ASB5: variants seen among roughly 807,000 people sequenced by gnomAD.
ASB5 encodes ankyrin repeat and SOCS box containing 5.
A neutral mutation model predicts 42.1 loss-of-function variants in ASB5; 45 were observed. The ratio of observed to expected loss-of-function variants is 1.07; its 90% CI spans 0.84 to 1.37. ASB5 has a LOEUF of 1.37. Ranked by LOEUF, ASB5 falls within the 40% of genes most tolerant of loss-of-function variation. The pLI is 0.00. For synonymous variants in ASB5, 147 were observed against 150.6 expected, an observed-to-expected ratio of 0.98 and a Z score of 0.18; for missense variants, 402 against 399.8, an observed-to-expected ratio of 1.01 and a Z score of -0.05.
chr4:176,248,856 C>T (rs914900641), intron 1 of ASB5, among the ~76,000 whole-genome samples: 11 of 152,122 alleles, frequency 7.2e-5, no homozygotes, highest in African/African-American at 2.7e-4. Context: ...ACTAGTCACT[C>T]GGTCTTGATG....
rs906690076 is a variant in ASB5, at chr4:176,237,377, T to C, written c.197-12036A>G. On this transcript the variant is annotated intron_variant, in intron 1 of 6. Coordinates refer to ENST00000296525, the MANE Select transcript of ASB5 (RefSeq NM_080874.4). ...CACTAGCCTTCTTTTCGTGAGGACCTGCTTAATGCAGTTCATTTCAACAGC... is the reference window on the plus strand; with the variant it reads ...CACTAGCCTTCTTTTCGTGAGGACCCGCTTAATGCAGTTCATTTCAACAGC... The C allele has an allele frequency of 1.6e-5, 16 of 985,778 alleles. No homozygotes were observed. In the African/African-American group the frequency reaches 2.1e-4, roughly 13 times the overall value. 61.1% of individuals were successfully genotyped at this position (985,778 alleles called of 1,614,324 possible).
In ASB5 at chr4:176,254,802, C is replaced by T. The variant is rs188044786; in HGVS notation, c.196+14111G>A. Among the ~76,000 whole-genome samples the T allele has an allele frequency of 2.5e-3, 374 of 152,274 alleles. 6 individuals carry two copies. The highest frequency in any genetic ancestry group is 5.9e-4 in the Non-Finnish European group (40 of 68,018). ...TGACCAACAAATATATGAAAAAATGCTCTACATCACTAATCACTGGAGAAA... is the reference window on the plus strand; with the variant it reads ...TGACCAACAAATATATGAAAAAATGTTCTACATCACTAATCACTGGAGAAA... On this transcript the variant is annotated intron_variant, in intron 1 of 6. Coordinates refer to ENST00000296525, the MANE Select transcript of ASB5 (RefSeq NM_080874.4).
At chr4:176,246,012 G>T (rs777938509) in intron 1 of ASB5, among the ~76,000 whole-genome samples, 7 of 150,802 alleles carry the variant, frequency 4.6e-5, no homozygotes, top group African/African-American at 1.7e-4. Context: ...AAACCTGCAC[G>T]TTGTGCACAT....
intron 1 of ASB5, among the ~76,000 whole-genome samples, chr4:176,252,524 GAA>G (rs1754063662): frequency 6.6e-6 from 1 of 152,202 alleles, no homozygotes; most frequent in East Asian, 1.9e-4. Context: ...AAGATGAAGT[GAA>G]TCTGTCTTCA....
chr4:176,241,462 C>G, intron 1 of ASB5: 1 of 1,534,220 alleles, frequency 6.5e-7, no homozygotes, highest in Non-Finnish European at 8.7e-7. Context: ...TTTCTTTTAC[C>G]TGTTACTGCC....
intron 1 of ASB5, among the ~76,000 whole-genome samples, chr4:176,246,801 C>T (rs577926377): frequency 6.6e-6 from 1 of 152,268 alleles, no homozygotes; most frequent in East Asian, 1.9e-4. Flanking sequence ...AATGAACACT[C>T]CCTACCACCA....
At chr4:176,237,298 A>G (rs1753709815) in intron 1 of ASB5, 1 of 985,878 alleles carries the variant, frequency 1.0e-6, no homozygotes. Context: ...ACTAACCTTG[A>G]CTGGTCAGAA....
At position 176,214,845 on chromosome 4, in the gene ASB5, G is replaced by A. The variant is rs776226151; in HGVS notation, c.*755C>T. 6.6e-5 allele frequency: 10 copies of A among 152,036 alleles called. No homozygotes were observed. Among genetic ancestry groups the A allele is most frequent in the South Asian group, 2.1e-4 (1 of 4,820 alleles). 9.4% of individuals were successfully genotyped at this position (152,036 alleles called of 1,614,324 possible). On this transcript the variant is annotated 3_prime_UTR_variant, in exon 7 of 7. Transcript: ENST00000296525. ...AGGCTGGAGTAATATGCATATAACC[G>A]CCTTGATAAGAGATCATCAGGGGCT...
intron 5 of ASB5, 94 bp from the exon 6 acceptor site, chr4:176,217,103 A>G: frequency 1.0e-6 from 1 of 995,666 alleles, no homozygotes. Context: ...GCAATAGAGG[A>G]AGGTTATTAA....
chr4:176,272,337 A>C (rs1451774688), upstream of ASB5, among the ~76,000 whole-genome samples: 1 of 152,042 alleles, frequency 6.6e-6, no homozygotes, highest in African/African-American at 2.4e-5. Context: ...TTTTTCACCA[A>C]CCTAACAAAA....
At chr4:176,261,692 A>G (rs943224335) in intron 1 of ASB5, among the ~76,000 whole-genome samples, 3 of 152,150 alleles carry the variant, frequency 2.0e-5, no homozygotes, top group African/African-American at 7.2e-5. Context: ...GATGACCTCA[A>G]TCTCTTCCCT....
intron 1 of ASB5, among the ~76,000 whole-genome samples, chr4:176,239,359 A>C (rs1333084678): frequency 6.6e-6 from 1 of 152,230 alleles, no homozygotes. Flanking sequence ...CAAAAGCTTT[A>C]TGCTTTTGAA....
At chr4:176,232,127 A>AT (rs1561257128) in intron 1 of ASB5, among the ~76,000 whole-genome samples, 191 of 125,060 alleles carry the variant, frequency 1.5e-3, no homozygotes, top group Middle Eastern at 4.1e-3. Context: ...ATATATATAT[A>AT]CTTTTTTTTT....
upstream of ASB5, among the ~76,000 whole-genome samples, chr4:176,270,351 G>A (rs926618890): frequency 6.6e-6 from 1 of 152,096 alleles, no homozygotes; most frequent in African/African-American, 2.4e-5. Flanking sequence ...CCCATGACTG[G>A]TCATACTAGT....
rs575382169 is a variant in ASB5, at chr4:176,222,411, C to G, written c.286G>C (p.Val96Leu). Reference sequence around the variant, plus strand: ...ACATGGTCTAAGGTTACTGCATTTACATTATAACCCTAAATGTGGCATAAT... The same window carrying G: ...ACATGGTCTAAGGTTACTGCATTTAGATTATAACCCTAAATGTGGCATAAT... The part of the protein sequence containing the change: ...LRTLLSQGYN[V>L]NAVTLDHVTP... Residue 96 changes from valine to leucine, a missense_variant, in exon 3 of 7, where the codon GTA becomes CTA. Coordinates refer to ENST00000296525, the MANE Select transcript of ASB5 (RefSeq NM_080874.4). 6.2e-7 allele frequency: 1 copy of G among 1,612,052 alleles called. No homozygotes were observed. The highest frequency in any genetic ancestry group is 8.5e-7 in the Non-Finnish European group (1 of 1,178,730).
chr4:176,222,219 A>T, intron 3 of ASB5, 94 bp downstream of exon 3: 1 of 1,127,664 alleles, frequency 8.9e-7, no homozygotes, highest in Non-Finnish European at 1.3e-6. Context: ...TTTGAAAACT[A>T]CCGAGAATGA....
At chr4:176,220,128 G>C (rs1266390100) in intron 5 of ASB5, among the ~76,000 whole-genome samples, 4 of 152,268 alleles carry the variant, frequency 2.6e-5, no homozygotes, top group Non-Finnish European at 5.9e-5. Flanking sequence ...GGGGCCCACA[G>C]GCCGCAGGTT....
chr4:176,240,396 G>A (rs886415120), intron 1 of ASB5, among the ~76,000 whole-genome samples: 3 of 152,150 alleles, frequency 2.0e-5, no homozygotes, highest in African/African-American at 7.2e-5. Flanking sequence ...CAGTGCTAAT[G>A]TCCCTGAAAA....
intron 5 of ASB5, among the ~76,000 whole-genome samples, chr4:176,217,868 T>C (rs1396183828): frequency 6.6e-6 from 1 of 152,014 alleles, no homozygotes; most frequent in Non-Finnish European, 1.5e-5. Context: ...TTTCCGATAC[T>C]ATCTTTAAAA....
Sources: allele counts gnomAD v4.1 joint callset (sites outside exome capture counted in the v4.1 genomes callset), GRCh38; gene constraint gnomAD v4.1.1; transcripts MANE v1.5; gene names NCBI Gene and HGNC (gene_info 2026-07-23, HGNC 2026-07-21).